Variants in SLC22A23 observed in about 807,000 individuals in gnomAD.
SLC22A23 encodes solute carrier family 22 member 23, also known as ion transporter protein.
A neutral mutation model predicts 61.0 loss-of-function variants in SLC22A23; 26 were observed. The ratio of observed to expected loss-of-function variants is 0.43; its 90% CI spans 0.31 to 0.59. SLC22A23 has a LOEUF of 0.59. Ranked by LOEUF, SLC22A23 falls within the 20% of genes least tolerant of loss-of-function variation. SLC22A23 has a pLI of 0.11. For synonymous variants in SLC22A23, 430 were observed against 413.9 expected, an observed-to-expected ratio of 1.04 and a Z score of -0.47; for missense variants, 796 against 934.7, an observed-to-expected ratio of 0.85 and a Z score of 1.94.
Position 3,321,424 on chromosome 6 carries a change from G to A in SLC22A23, c.1082+2410C>T, listed in dbSNP as rs116472561. ...CATACATGCACACACATGCACACAC[G>A]TTTACTTCTGCAAGTCCCTGGATGT... On this transcript the variant is annotated intron_variant, in intron 4 of 9. Transcript: ENST00000406686. 6.5e-3 allele frequency among the ~76,000 whole-genome samples: 989 copies of A among 152,216 alleles called. 9 individuals carry two copies. The highest frequency in any genetic ancestry group is 0.022 in the African/African-American group (931 of 41,526).
chr6:3,419,661 T>C (rs1769987902), intron 1 of SLC22A23, among the ~76,000 whole-genome samples: 1 of 152,152 alleles, frequency 6.6e-6, no homozygotes, highest in African/African-American at 2.4e-5. Context: ...GACCTTCTAA[T>C]TCTTCAGCCT....
intron 1 of SLC22A23, among the ~76,000 whole-genome samples, chr6:3,449,070 A>C (rs1193255120): frequency 2.0e-5 from 3 of 152,192 alleles, no homozygotes; most frequent in Non-Finnish European, 2.9e-5. Context: ...TGCCAAACTA[A>C]ATGTTTAGGA....
chr6:3,368,910 A>G (rs1432876501), intron 3 of SLC22A23, among the ~76,000 whole-genome samples: 2 of 152,182 alleles, frequency 1.3e-5, no homozygotes, highest in Non-Finnish European at 2.9e-5. Flanking sequence ...TAAACCTATA[A>G]AAATGACTAT....
chr6:3,350,171 AT>A (rs1764681526), intron 3 of SLC22A23, among the ~76,000 whole-genome samples: 1 of 152,006 alleles, frequency 6.6e-6, no homozygotes, highest in Non-Finnish European at 1.5e-5. Context: ...ACTTAATTCT[AT>A]TTTTTTCTTT....
rs529056126 is a variant in SLC22A23 at position 3,329,715 on chromosome 6, G to A, written c.914-5713C>T. ...GTCATGAGAAAACGACACTCACGAA[G>A]CACTCGAGCGCACCTGGCTCATACT... On this transcript the variant is annotated intron_variant, in intron 3 of 9. Transcript: ENST00000406686. The surrounding 1 kb of genome is among the most constrained non-coding windows in gnomAD (Gnocchi z 4.8). 6.6e-6 allele frequency among the ~76,000 whole-genome samples: 1 copy of A among 152,280 alleles called. No homozygotes were observed. Among genetic ancestry groups the A allele is most frequent in the Admixed American group, 6.5e-5 (1 of 15,296 alleles).
At position 3,390,809 on chromosome 6, in the gene SLC22A23, A is replaced by G. The variant is rs902563645; in HGVS notation, c.913+19379T>C. On this transcript the variant is annotated intron_variant, in intron 3 of 9. Transcript: ENST00000406686. The surrounding 1 kb of genome is among the most constrained non-coding windows in gnomAD (Gnocchi z 4.0). ...TCAGTCTCAGGCCCTACAGGCTTCA[A>G]TAATATGCTGCCTATCTGCCAAACC... 3.3e-5 allele frequency among the ~76,000 whole-genome samples: 5 copies of G among 152,194 alleles called. No individual in the cohort carries two copies. Among genetic ancestry groups the G allele is most frequent in the Non-Finnish European group, 5.9e-5 (4 of 68,028 alleles).
intron 4 of SLC22A23, among the ~76,000 whole-genome samples, chr6:3,311,033 G>A (rs940209937): frequency 2.6e-5 from 4 of 152,232 alleles, no homozygotes; most frequent in Non-Finnish European, 5.9e-5. Flanking sequence ...CGCCATTCAC[G>A]GGCTAAACAT....
chr6:3,275,299 T>TA (rs544134893), intron 9 of SLC22A23, among the ~76,000 whole-genome samples: 70 of 152,262 alleles, frequency 4.6e-4, no homozygotes, highest in African/African-American at 1.6e-3. Context: ...TCACATCATG[T>TA]AAAAAAATGA....
chr6:3,291,198 C>T (rs529086483), intron 5 of SLC22A23: 71 of 152,260 alleles, frequency 4.7e-4, no homozygotes, highest in African/African-American at 1.6e-3. Context: ...TCTGCTCCCT[C>T]GGGGGCTGTG....
chr6:3,363,594 G>A (rs751841279), intron 3 of SLC22A23, among the ~76,000 whole-genome samples: 1 of 152,260 alleles, frequency 6.6e-6, no homozygotes, highest in Non-Finnish European at 1.5e-5. Context: ...TGGCAGTCAC[G>A]CCCAAACTAG....
intron 4 of SLC22A23, among the ~76,000 whole-genome samples, chr6:3,299,998 C>CCTTT (rs1761465869): frequency 1.3e-5 from 1 of 78,802 alleles, no homozygotes; most frequent in African/African-American, 4.4e-5. Context: ...TCAGGATAGA[C>CCTTT]TTTTTTTTTT....
intron 3 of SLC22A23, among the ~76,000 whole-genome samples, chr6:3,361,205 A>G (rs1271009258): frequency 6.6e-6 from 1 of 152,068 alleles, no homozygotes; most frequent in African/African-American, 2.4e-5. Context: ...TTTCTACTGA[A>G]AAAAAAGAGA....
chr6:3,354,304 C>T (rs572624801), intron 3 of SLC22A23, among the ~76,000 whole-genome samples: 16 of 152,206 alleles, frequency 1.1e-4, no homozygotes, highest in Non-Finnish European at 1.9e-4. Context: ...TGCACATTTA[C>T]GGAGGAGCAA....
At chr6:3,363,160 C>T (rs1017844988) in intron 3 of SLC22A23, among the ~76,000 whole-genome samples, 1 of 152,232 alleles carries the variant, frequency 6.6e-6, no homozygotes, top group African/African-American at 2.4e-5. Context: ...TGACTTATAT[C>T]TTTGCCATTT....
At chr6:3,287,238 G>A (rs925691883) in intron 6 of SLC22A23, 147 bp from the exon 7 acceptor site, 7 of 690,126 alleles carry the variant, frequency 1.0e-5, no homozygotes, top group African/African-American at 7.2e-5. Flanking sequence ...CGAACCACGA[G>A]CAGATTACAG....
At chr6:3,347,673 C>G (rs1764521336) in intron 3 of SLC22A23, among the ~76,000 whole-genome samples, 1 of 152,122 alleles carries the variant, frequency 6.6e-6, no homozygotes, top group Non-Finnish European at 1.5e-5. Context: ...TCCTACTTTA[C>G]ATTTTCTGAT....
chr6:3,284,892 A>C (rs1001734969), intron 8 of SLC22A23, 187 bp downstream of exon 8: 5 of 1,535,342 alleles, frequency 3.3e-6, no homozygotes, highest in Non-Finnish European at 4.4e-6. Context: ...CGCTCTTTCT[A>C]GAGGCAAGAG....
intron 9 of SLC22A23, chr6:3,282,217 T>C (rs999833975): frequency 1.4e-6 from 1 of 702,472 alleles, no homozygotes; most frequent in Admixed American, 2.0e-5. Flanking sequence ...GGAGAGAAAT[T>C]TCACTTTCCG....
intron 1 of SLC22A23, among the ~76,000 whole-genome samples, chr6:3,424,379 A>T (rs1021275951): frequency 6.6e-6 from 1 of 152,244 alleles, no homozygotes; most frequent in Admixed American, 6.5e-5. Flanking sequence ...GTCACCTGTC[A>T]GTCAAAGTAT....
Sources: gnomAD v4.1 joint callset for allele counts (sites outside exome capture counted in the v4.1 genomes callset) on GRCh38, gnomAD v4.1.1 for gene constraint, Gnocchi (gnomAD v3.1) non-coding constraint, MANE v1.5 for transcripts, NCBI Gene and HGNC (gene_info 2026-07-23, HGNC 2026-07-21) for gene names.